Variants in COP1 observed in about 807,000 individuals in gnomAD.
The protein encoded by COP1 is E3 ubiquitin-protein ligase COP1.
A neutral mutation model predicts 101.3 loss-of-function variants in COP1; 24 were observed. The ratio of observed to expected loss-of-function variants is 0.24; its 90% CI spans 0.17 to 0.33. The LOEUF is 0.33. COP1 is among the 10% of genes least tolerant of loss of function. The pLI is 1.00. For missense variants in COP1, 663 were observed against 906.2 expected (o/e 0.73, Z 3.45); for synonymous variants, 347 against 341.9 (o/e 1.01, Z -0.17).
intron 5 of COP1, among the ~76,000 whole-genome samples, chr1:176,154,399 T>G (rs1230469965): frequency 6.6e-6 from 1 of 152,150 alleles, no homozygotes; most frequent in East Asian, 1.9e-4. Context: ...AAATGCCCAT[T>G]AATGGTAGAT....
chr1:175,975,324 T>A (rs1256392684), intron 18 of COP1, among the ~76,000 whole-genome samples: 1 of 152,168 alleles, frequency 6.6e-6, no homozygotes, highest in African/African-American at 2.4e-5. Flanking sequence ...AGTTTGGAGT[T>A]AATATGGCAT....
chr1:175,988,181 GA>G, intron 17 of COP1, 106 bp downstream of exon 17: 1 of 1,044,002 alleles, frequency 9.6e-7, no homozygotes, highest in Non-Finnish European at 1.4e-6. Flanking sequence ...ACTATCTTCT[GA>G]GTGCACAGAC....
chr1:176,070,804 G>A (rs891243976), intron 11 of COP1, among the ~76,000 whole-genome samples: 6 of 152,092 alleles, frequency 3.9e-5, no homozygotes, highest in Admixed American at 3.9e-4. Flanking sequence ...CACACCACAG[G>A]CCTGGCTAAT....
intron 1 of COP1, among the ~76,000 whole-genome samples, chr1:176,196,414 T>G (rs1288629385): frequency 6.6e-6 from 1 of 152,052 alleles, no homozygotes; most frequent in Non-Finnish European, 1.5e-5. Flanking sequence ...ATATCAGGAA[T>G]GAAAGATGGG....
chr1:176,007,588 T>C (rs1557907014), intron 15 of COP1, among the ~76,000 whole-genome samples: 1 of 151,352 alleles, frequency 6.6e-6, no homozygotes, highest in Non-Finnish European at 1.5e-5. Flanking sequence ...TGCAGGTCTG[T>C]TGGAATACCC....
intron 11 of COP1, among the ~76,000 whole-genome samples, chr1:176,071,731 A>G (rs1428292395): frequency 6.6e-6 from 1 of 152,230 alleles, no homozygotes; most frequent in African/African-American, 2.4e-5. Flanking sequence ...TATTAACCTT[A>G]AAATGTGGCT....
chr1:176,067,901 C>T (rs1676292303), intron 11 of COP1, among the ~76,000 whole-genome samples: 1 of 152,232 alleles, frequency 6.6e-6, no homozygotes, highest in Non-Finnish European at 1.5e-5. Flanking sequence ...CCACGATCTG[C>T]CTGTCTGTCC....
At chr1:176,195,703 CAT>C (rs1699604282) in intron 1 of COP1, among the ~76,000 whole-genome samples, 1 of 152,084 alleles carries the variant, frequency 6.6e-6, no homozygotes, top group African/African-American at 2.4e-5. Flanking sequence ...CAACTGCAGC[CAT>C]AAAAAAGAAT....
At chr1:176,172,923 G>GT (rs1696309053) in intron 3 of COP1, among the ~76,000 whole-genome samples, 1 of 152,160 alleles carries the variant, frequency 6.6e-6, no homozygotes, top group South Asian at 2.1e-4. Flanking sequence ...ACAAATAGAT[G>GT]TATCAGGATG....
In COP1 at chr1:176,165,361, CGTGTGTGTGTGT is replaced by C. The variant is rs34291468; in HGVS notation, c.566-1482_566-1471del. Reference sequence around the variant, plus strand: ...GTGAGAGAGAGAGAGAGATGTGTGTCGTGTGTGTGTGTGTGTGTGTGTGTGTGTGTGTGTGTG... The same window carrying C: ...GTGAGAGAGAGAGAGAGATGTGTGTCGTGTGTGTGTGTGTGTGTGTGTGTG... On this transcript the variant is annotated intron_variant, in intron 3 of 19. Coordinates refer to ENST00000367669, the MANE Select transcript of COP1 (RefSeq NM_022457.7). Among the ~76,000 whole-genome samples, 449 of 132,136 alleles carry C rather than the reference CGTGTGTGTGTGT, an allele frequency of 3.4e-3. 1 individual carries two copies. The highest frequency in any genetic ancestry group is 0.011 in the African/African-American group (392 of 34,874). The allele number at this position is 132,136 out of a possible 152,430, so 86.7% of individuals were successfully genotyped here. A position where few individuals can be genotyped will look rare whatever the true frequency, so the allele number is the denominator to read the frequency against.
At chr1:176,003,386 T>C (rs1025581750) in intron 15 of COP1, among the ~76,000 whole-genome samples, 4 of 152,078 alleles carry the variant, frequency 2.6e-5, no homozygotes, top group African/African-American at 9.7e-5. Context: ...TGGCTTTTGT[T>C]GCCATTGCTT....
intron 10 of COP1, among the ~76,000 whole-genome samples, chr1:176,082,988 G>A (rs1679463450): frequency 6.6e-6 from 1 of 151,996 alleles, no homozygotes; most frequent in African/African-American, 2.4e-5. Context: ...GACAGCAAAA[G>A]GAATTACCTA....
At chr1:176,048,865 G>C (rs1262213639) in intron 11 of COP1, among the ~76,000 whole-genome samples, 2 of 152,142 alleles carry the variant, frequency 1.3e-5, no homozygotes, top group African/African-American at 2.4e-5. Flanking sequence ...TGACACATAA[G>C]TAAAAATGCT....
chr1:176,198,441 A>C (rs1209858150), intron 1 of COP1, among the ~76,000 whole-genome samples: 1 of 152,176 alleles, frequency 6.6e-6, no homozygotes, highest in Non-Finnish European at 1.5e-5. Flanking sequence ...CCCTTACCAA[A>C]CACAGTGTAT....
intron 15 of COP1, among the ~76,000 whole-genome samples, chr1:176,016,768 T>A (rs1665732623): frequency 6.6e-6 from 1 of 152,112 alleles, no homozygotes; most frequent in Admixed American, 6.6e-5. Flanking sequence ...TAAGTATCAA[T>A]CCAGGTGATA....
chr1:176,133,811 T>C (rs1689350903), intron 8 of COP1: 1 of 448,424 alleles, frequency 2.2e-6, no homozygotes, highest in African/African-American at 2.0e-5. Context: ...GAACTTTTTG[T>C]GATGTGACAA....
At chr1:176,016,176 G>A (rs1665596175) in intron 15 of COP1, among the ~76,000 whole-genome samples, 1 of 152,116 alleles carries the variant, frequency 6.6e-6, no homozygotes, top group African/African-American at 2.4e-5. Flanking sequence ...GTGGAATTGA[G>A]ATAACTATTC....
At chr1:176,182,917 A>T (rs1181311328) in intron 2 of COP1, among the ~76,000 whole-genome samples, 1 of 152,258 alleles carries the variant, frequency 6.6e-6, no homozygotes, top group Non-Finnish European at 1.5e-5. Flanking sequence ...CTGAAAGAAT[A>T]CCTAATCATT....
At chr1:176,026,749 T>G (rs1473272874) in intron 15 of COP1, among the ~76,000 whole-genome samples, 3 of 152,160 alleles carry the variant, frequency 2.0e-5, no homozygotes, top group Non-Finnish European at 4.4e-5. Context: ...GTCTCCATCA[T>G]ATGGTGCTAA....
Sources: allele counts gnomAD v4.1 joint callset (sites outside exome capture counted in the v4.1 genomes callset), GRCh38; gene constraint gnomAD v4.1.1; transcripts MANE v1.5; gene names NCBI Gene and HGNC (gene_info 2026-07-23, HGNC 2026-07-21).